CLCN2: variants seen among roughly 807,000 people sequenced by gnomAD.
CLCN2 encodes the protein chloride channel protein 2.
Under a neutral mutation model 108.3 loss-of-function variants are expected in CLCN2, and 72 were observed. That is an observed-to-expected ratio of 0.66 (90% CI 0.55 to 0.81). The LOEUF (loss-of-function observed/expected upper bound fraction) is 0.81. CLCN2 is among the 30% of genes least tolerant of loss of function. CLCN2 has a pLI of 0.00. For missense variants in CLCN2, 1,048 were observed against 1,205.2 expected, an observed-to-expected ratio of 0.87 and a Z score of 1.93; for synonymous variants, 471 against 467.1, an observed-to-expected ratio of 1.01 and a Z score of -0.11.
At chr3:184,353,554 G>C in intron 16 of CLCN2, 108 bp downstream of exon 16, 1 of 1,561,836 alleles carries the variant, frequency 6.4e-7, no homozygotes, top group Non-Finnish European at 8.7e-7. Context: ...GGCAAGTGCT[G>C]GTCCATTCCC....
At chr3:184,350,628 A>C (rs1369463352) in intron 22 of CLCN2, among the ~76,000 whole-genome samples, 1 of 151,756 alleles carries the variant, frequency 6.6e-6, no homozygotes, top group East Asian at 1.9e-4. Flanking sequence ...GTAGAGATGG[A>C]GTTTCACCAT....
intron 22 of CLCN2, chr3:184,347,246 C>T: frequency 1.7e-6 from 1 of 593,124 alleles, no homozygotes; most frequent in South Asian, 1.9e-5. Context: ...CCTTATATTG[C>T]TTACACTGAC....
At position 184,353,715 on chromosome 3, in the gene CLCN2, C is replaced by T. The variant is rs757417707; in HGVS notation, c.1802G>A (p.Arg601His). Residue 601 changes from arginine (R) to histidine (H), a missense_variant, in exon 16 of 24, where the codon CGT (arginine) becomes CAT (histidine). Transcript: ENST00000265593. ...VALSCTFRDL[R>H]LALHRTKGRM... is the part of the protein sequence containing the mutation. ...GCCCTTGGTCCTGTGCAGTGCCAAA[C>T]GCAGGTCCCGGAAGGTGCAGCTGAG... The T allele has an allele frequency of 1.6e-5, 26 of 1,610,216 alleles. No homozygotes were observed. Among genetic ancestry groups the T allele is most frequent in the African/African-American group, 5.3e-5 (4 of 74,898 alleles).
intron 14 of CLCN2, 35 bp downstream of exon 14, chr3:184,354,513 G>A: frequency 1.9e-6 from 3 of 1,547,266 alleles, no homozygotes; most frequent in South Asian, 1.1e-5. Flanking sequence ...TGGGTGGGGG[G>A]GTCTCCCAAG....
chr3:184,360,436 T>C (rs1369251528), intron 1 of CLCN2, among the ~76,000 whole-genome samples: 2 of 151,974 alleles, frequency 1.3e-5, no homozygotes, highest in Non-Finnish European at 2.9e-5. Context: ...GGCAAGTGTC[T>C]CCTACCCCAT....
intron 13 of CLCN2, 96 bp from the exon 14 acceptor site, chr3:184,354,754 C>T (rs993974753): frequency 2.8e-4 from 365 of 1,311,542 alleles, no homozygotes; most frequent in Admixed American, 3.8e-4. Context: ...GAGGGGCCAA[C>T]GGGTCATTCA....
intron 10 of CLCN2, 170 bp downstream of exon 10, chr3:184,356,823 T>C (rs1728588341): frequency 1.6e-6 from 1 of 640,542 alleles, no homozygotes. Flanking sequence ...AATTTTCAGG[T>C]AATTCATATG....
In CLCN2 at chr3:184,361,412, C is replaced by T. The variant is rs1487016485; in HGVS notation, c.63+5G>A. 1 of 1,613,578 alleles carries T rather than the reference C, an allele frequency of 6.2e-7. No individual in the cohort carries two copies. Among genetic ancestry groups the T allele is most frequent in the Non-Finnish European group, 8.5e-7 (1 of 1,179,940 alleles). The stretch of plus-strand genomic sequence containing the variant: ...ACTCCTGGGGCTCAGCTCAGCTTCA[C>T]TTACCAGGGTCTGCTCGTACTGCAG... On this transcript the variant is annotated splice_donor_5th_base_variant and intron_variant, in intron 1 of 23. Transcript: ENST00000265593. This position sits in a 1 kb window ranked among gnomAD's most constrained non-coding sequence, Gnocchi z 6.6.
Position 184,346,444 on chromosome 3 carries a change from G to T in CLCN2, c.*162C>A. ...AGGTGGGTAGTGGGTCAGATTCCAG[G>T]TAGGATGAACTGGGAGAAGCTGGCA... On this transcript the variant is annotated 3_prime_UTR_variant, in exon 24 of 24. Transcript: ENST00000265593. This position sits in a 1 kb window ranked among gnomAD's most constrained non-coding sequence, Gnocchi z 6.0. 1.3e-6 allele frequency: 1 copy of T among 775,626 alleles called. No individual in the cohort carries two copies. Among genetic ancestry groups the T allele is most frequent in the Non-Finnish European group, 2.2e-6 (1 of 463,374 alleles). 48.0% of individuals were successfully genotyped at this position (775,626 alleles called of 1,614,324 possible). A position where few individuals can be genotyped will look rare whatever the true frequency, so the allele number is the denominator to read the frequency against.
In CLCN2 at chr3:184,361,179, G is replaced by A. The variant is rs562105458; in HGVS notation, c.63+238C>T. Among the ~76,000 whole-genome samples, 95 of 152,270 alleles carry A rather than the reference G, an allele frequency of 6.2e-4. No homozygotes were observed. Among genetic ancestry groups the A allele is most frequent in the African/African-American group, 2.2e-3 (92 of 41,562 alleles). On this transcript the variant is annotated intron_variant, in intron 1 of 23. Transcript: ENST00000265593. This position sits in a 1 kb window ranked among gnomAD's most constrained non-coding sequence, Gnocchi z 6.6. ...GTGCATGTTGTGGGGTGAGGGGAAG[G>A]ACACCTGAGACAAGTACCTGGTGTC...
chr3:184,361,540 C>T lies in CLCN2; in HGVS notation c.-61G>A. On this transcript the variant is annotated 5_prime_UTR_variant, in exon 1 of 24. Transcript: ENST00000265593. This position sits in a 1 kb window ranked among gnomAD's most constrained non-coding sequence, Gnocchi z 6.6. ...CCGGCTCTGTCCTGGACTCGGCTCC[C>T]GGCCCGCAAAGTCCGCGCCGGCAGC... The T allele has an allele frequency of 1.9e-6, 3 of 1,579,782 alleles. No individual in the cohort carries two copies. Among genetic ancestry groups the T allele is most frequent in the Non-Finnish European group, 2.6e-6 (3 of 1,162,094 alleles).
chr3:184,358,980 C>T lies in CLCN2; in HGVS notation c.215G>A (p.Cys72Tyr). The change falls in exon 2 of 24, where the codon TGC (cysteine) becomes TAC (tyrosine). Residue 72 changes from cysteine to tyrosine, a missense_variant. Transcript: ENST00000265593. ...GCCCCCACCCCAGTTCTCACCGCGG[C>T]ATCGGGCGCAACGGCTCCGTCCATA... ...LEYGRSRCAR[C>Y]RVCSVRCHKF... 1 of 1,613,572 alleles carries T rather than the reference C, an allele frequency of 6.2e-7. No individual in the cohort carries two copies. The highest frequency in any genetic ancestry group is 8.5e-7 in the Non-Finnish European group (1 of 1,180,006).
chr3:184,359,793 G>A (rs920979319), intron 1 of CLCN2, among the ~76,000 whole-genome samples: 4 of 152,228 alleles, frequency 2.6e-5, no homozygotes, highest in Non-Finnish European at 4.4e-5. Flanking sequence ...TGAGCCCAGC[G>A]GTGGGTTGGG....
chr3:184,353,812 G>T lies in CLCN2; in HGVS notation c.1722-17C>A, dbSNP rs202022367. The T allele has an allele frequency of 1.7e-5, 28 of 1,601,764 alleles. No homozygotes were observed. The highest frequency in any genetic ancestry group is 4.5e-5 in the South Asian group (4 of 88,852). Reference sequence around the variant, plus strand: ...CGGTACTGCCTGGGGGCCGAGAGAGGCGCTTGGTTTGTGGTCAGCATGGGG... The same window carrying T: ...CGGTACTGCCTGGGGGCCGAGAGAGTCGCTTGGTTTGTGGTCAGCATGGGG... On this transcript the variant is annotated splice_polypyrimidine_tract_variant and intron_variant, in intron 15 of 23. Coordinates refer to ENST00000265593, the MANE Select transcript of CLCN2 (RefSeq NM_004366.6).
intron 13 of CLCN2, 47 bp downstream of exon 13, chr3:184,354,857 A>C: frequency 6.3e-7 from 1 of 1,591,824 alleles, no homozygotes; most frequent in Non-Finnish European, 8.6e-7. Flanking sequence ...GGGTGGCCAG[A>C]GGCTGAGGAA....
intron 17 of CLCN2, 21 bp downstream of exon 17, chr3:184,353,229 G>T: frequency 1.2e-6 from 2 of 1,613,410 alleles, no homozygotes; most frequent in Non-Finnish European, 1.7e-6. Context: ...TTTAGGAAGC[G>T]TTTGTGGCTT....
rs184790106 is a variant in CLCN2, at chr3:184,359,041, G to A, written c.154C>T (p.Pro52Ser). Residue 52 changes from proline to serine, a missense_variant, in exon 2 of 24, where the codon CCC becomes TCC. Physicochemically the swap from Pro to Ser is moderately conservative, Grantham distance 74 (BLOSUM62 -1). Transcript: ENST00000265593. ...TCTGGGGCAGCCCGAGAGGAAGGGG[G>A]ACCTTTCCAGGGTTCAGGCCCTCCC... is the stretch of plus-strand genomic sequence containing the variant. ...RLGGPEPWKG[P>S]PSSRAAPELL... The A allele has an allele frequency of 2.0e-5, 33 of 1,613,554 alleles. No homozygotes were observed. The highest frequency in any genetic ancestry group is 6.7e-5 in the Admixed American group (4 of 60,018).
chr3:184,354,626 T>C lies in CLCN2; in HGVS notation c.1429A>G (p.Met477Val), dbSNP rs770219958. 5 of 1,531,768 alleles carry C rather than the reference T, an allele frequency of 3.3e-6. No homozygotes were observed. The highest frequency in any genetic ancestry group is 6.0e-5 in the East Asian group (2 of 33,382). 94.9% of individuals were successfully genotyped at this position (1,531,768 alleles called of 1,614,324 possible). The change falls in exon 14 of 24, where the codon ATG (methionine) becomes GTG (valine). Residue 477 changes from methionine to valine, a missense_variant. Transcript: ENST00000265593. ...ATTCCATCTGGGAACCAGGCAGCCA[T>C]GCTTTCACCCACCAGACGCCCAAAT... ...AAFGRLVGES[M>V]AAWFPDGIHT...
intron 1 of CLCN2, among the ~76,000 whole-genome samples, chr3:184,360,928 C>T (rs1176181879): frequency 6.6e-6 from 1 of 152,222 alleles, no homozygotes; most frequent in East Asian, 1.9e-4. Context: ...CTGGAGCCAA[C>T]GCTGGGTGTG....
Sources: gnomAD v4.1 joint callset for allele counts (sites outside exome capture counted in the v4.1 genomes callset) on GRCh38, gnomAD v4.1.1 for gene constraint, Gnocchi (gnomAD v3.1) non-coding constraint, MANE v1.5 for transcripts, NCBI Gene and HGNC (gene_info 2026-07-23, HGNC 2026-07-21) for gene names.